IQSEC1: variants seen among roughly 807,000 people sequenced by gnomAD.
IQSEC1 encodes IQ motif and SEC7 domain-containing protein 1.
Under a neutral mutation model 91.0 loss-of-function variants are expected in IQSEC1, and 31 were observed. The ratio of observed to expected loss-of-function variants is 0.34; its 90% CI spans 0.26 to 0.46. IQSEC1 has a LOEUF of 0.46. IQSEC1 is among the 20% of genes least tolerant of loss of function. IQSEC1 has a pLI of 1.00. For synonymous variants in IQSEC1, 699 were observed against 662.6 expected (o/e 1.05, Z -0.84); for missense variants, 1,388 against 1,575.6 (o/e 0.88, Z 2.02).
chr3:13,267,924 G>A (rs1233288187), intron 1 of IQSEC1, among the ~76,000 whole-genome samples: 5 of 152,142 alleles, frequency 3.3e-5, no homozygotes, highest in African/African-American at 9.7e-5. Flanking sequence ...GCCAGAGTCA[G>A]CAAATTTCTT....
At chr3:13,205,664 A>C (rs1285159118) in intron 1 of IQSEC1, among the ~76,000 whole-genome samples, 1 of 144,240 alleles carries the variant, frequency 6.9e-6, no homozygotes. Flanking sequence ...CCCTCCATCC[A>C]CTCATCCATC....
chr3:12,923,926 C>T (rs1173241560), intron 4 of IQSEC1, among the ~76,000 whole-genome samples: 2 of 152,246 alleles, frequency 1.3e-5, no homozygotes, highest in Non-Finnish European at 2.9e-5. Flanking sequence ...CATTTTTCTG[C>T]AGGCTTTCAA....
chr3:13,165,511 CG>C (rs1332429901), intron 1 of IQSEC1, among the ~76,000 whole-genome samples: 5 of 74,292 alleles, frequency 6.7e-5, no homozygotes, highest in African/African-American at 1.8e-4. Context: ...AGAAAGCAAG[CG>C]GGGGGGTGGG....
At chr3:13,052,925 T>C in intron 1 of IQSEC1, 1 of 902,092 alleles carries the variant, frequency 1.1e-6, no homozygotes. Context: ...GATTGTGACC[T>C]TGAGACAGCA....
rs563637421 is a variant in IQSEC1 at position 12,940,220 on chromosome 3, C to T, written c.318+1351G>A. ...TCCGGCCTAAGTTGCAAGGCAGCAC[C>T]GACAGCCAGGTGAGGAAGGGGCTGA... On this transcript the variant is annotated intron_variant, in intron 2 of 13. Coordinates refer to ENST00000613206, the MANE Select transcript of IQSEC1 (RefSeq NM_001134382.3). This position sits in a 1 kb window ranked among gnomAD's most constrained non-coding sequence, Gnocchi z 4.4. Among the ~76,000 whole-genome samples, 24 of 151,996 alleles carry T rather than the reference C, an allele frequency of 1.6e-4. No homozygotes were observed. In the South Asian group the frequency reaches 4.2e-3, roughly 26 times the overall value.
intron 2 of IQSEC1, among the ~76,000 whole-genome samples, chr3:13,084,749 G>T (rs577635950): frequency 6.6e-6 from 1 of 152,202 alleles, no homozygotes; most frequent in South Asian, 2.1e-4. Flanking sequence ...GTACAAAGCG[G>T]TTTCCCAGGA....
At chr3:13,029,814 C>G (rs1249673530) in intron 1 of IQSEC1, among the ~76,000 whole-genome samples, 1 of 152,244 alleles carries the variant, frequency 6.6e-6, no homozygotes, top group Non-Finnish European at 1.5e-5. Flanking sequence ...GGGTCCTCAC[C>G]TCCTCACTGG....
intron 1 of IQSEC1, among the ~76,000 whole-genome samples, chr3:13,001,352 C>T (rs1354806063): frequency 2.0e-5 from 3 of 152,206 alleles, no homozygotes; most frequent in African/African-American, 7.2e-5. Flanking sequence ...TGTTCCCTAT[C>T]TGGAACTCTG....
At chr3:13,084,537 C>T (rs565066407) in intron 2 of IQSEC1, among the ~76,000 whole-genome samples, 81 of 152,290 alleles carry the variant, frequency 5.3e-4, no homozygotes, top group South Asian at 1.0e-3. Context: ...GTGGAGGAGA[C>T]GGACATCAGA....
At chr3:13,195,826 T>C (rs11927053) in intron 1 of IQSEC1, among the ~76,000 whole-genome samples, 5,505 of 152,174 alleles carry the variant, frequency 0.036, 335 homozygotes, top group African/African-American at 0.13. Flanking sequence ...TGAGTACAAA[T>C]AAAACTGGGC....
At position 12,901,223 on chromosome 3, in the gene IQSEC1, C is replaced by T. The variant is rs1479620926; in HGVS notation, c.3105G>A (p.Gln1035=). 1 of 1,548,010 alleles carries T rather than the reference C, an allele frequency of 6.5e-7. No individual in the cohort carries two copies. Among genetic ancestry groups the T allele is most frequent in the Non-Finnish European group, 8.7e-7 (1 of 1,146,136 alleles). Residue 1035 remains glutamine, a synonymous_variant, in exon 14 of 14, where the codon CAG becomes CAA. Coordinates refer to ENST00000613206, the MANE Select transcript of IQSEC1 (RefSeq NM_001134382.3). Reference sequence around the variant, plus strand: ...GGTGATGGTGGTACGGGGGAGGGTTCTGCATGTGGCAGTACTGGGTGTGAT... The same window carrying T: ...GGTGATGGTGGTACGGGGGAGGGTTTTGCATGTGGCAGTACTGGGTGTGAT... The part of the protein sequence containing the change: ...HGHHTQYCHM[Q]NPPPYHHHHH...
chr3:13,172,011 T>C (rs1244747601), intron 1 of IQSEC1, among the ~76,000 whole-genome samples: 1 of 152,112 alleles, frequency 6.6e-6, no homozygotes, highest in Non-Finnish European at 1.5e-5. Flanking sequence ...CTAAGCTCAG[T>C]GCAGAGCGGT....
intron 1 of IQSEC1, among the ~76,000 whole-genome samples, chr3:13,180,006 C>T (rs1392946811): frequency 2.0e-5 from 3 of 151,006 alleles, no homozygotes; most frequent in Admixed American, 6.6e-5. Context: ...ACCCCCTCTC[C>T]GTGGGCTCCT....
intron 2 of IQSEC1, among the ~76,000 whole-genome samples, chr3:13,129,750 C>T (rs748886013): frequency 1.7e-4 from 25 of 150,052 alleles, no homozygotes; most frequent in Non-Finnish European, 2.8e-4. Flanking sequence ...CTCCGCCTCC[C>T]GGATTCATGC....
intron 1 of IQSEC1, among the ~76,000 whole-genome samples, chr3:13,256,531 A>G (rs1186184653): frequency 6.6e-6 from 1 of 152,204 alleles, no homozygotes; most frequent in Non-Finnish European, 1.5e-5. Flanking sequence ...ATTGGAGGGC[A>G]GCCCAGTGAT....
chr3:13,153,367 C>CCCCTGGTCCAGCCGGCCAGGA (rs1298921902), intron 2 of IQSEC1, among the ~76,000 whole-genome samples: 1 of 152,218 alleles, frequency 6.6e-6, no homozygotes, highest in Non-Finnish European at 1.5e-5. Flanking sequence ...TAAGAGACAG[C>CCCCTGGTCCAGCCGGCCAGGA]CCCTGGTCCA....
At position 12,908,697 on chromosome 3, in the gene IQSEC1, A is replaced by G. The variant is rs558530776; in HGVS notation, c.2579-172T>C. Among the ~76,000 whole-genome samples, 111 of 152,004 alleles carry G rather than the reference A, an allele frequency of 7.3e-4. 2 individuals are homozygous for G. Among genetic ancestry groups the G allele is most frequent in the African/African-American group, 2.6e-3 (107 of 41,446 alleles). On this transcript the variant is annotated intron_variant, in intron 11 of 13. Coordinates refer to ENST00000613206, the MANE Select transcript of IQSEC1 (RefSeq NM_001134382.3). This position sits in a 1 kb window ranked among gnomAD's most constrained non-coding sequence, Gnocchi z 4.9. ...GGCCACCCTGGACAAAAGAGCAGAA[A>G]GGAGATCCCAGGAGGGAGGCTAGAG...
At chr3:13,168,984 G>A (rs2124996688) in intron 1 of IQSEC1, among the ~76,000 whole-genome samples, 1 of 152,326 alleles carries the variant, frequency 6.6e-6, no homozygotes, top group East Asian at 1.9e-4. Flanking sequence ...AGGAGGTACT[G>A]TATCTGTCTT....
chr3:13,065,633 G>C (rs1452786030), intron 1 of IQSEC1, among the ~76,000 whole-genome samples: 1 of 152,222 alleles, frequency 6.6e-6, no homozygotes. Flanking sequence ...TGCAGTGGTG[G>C]AGGGAAGGTA....
Sources: gnomAD v4.1 joint callset for allele counts (sites outside exome capture counted in the v4.1 genomes callset) on GRCh38, gnomAD v4.1.1 for gene constraint, Gnocchi (gnomAD v3.1) non-coding constraint, MANE v1.5 for transcripts, NCBI Gene and HGNC (gene_info 2026-07-23, HGNC 2026-07-21) for gene names.